Variants in ITGA7 observed in about 807,000 individuals in gnomAD.
ITGA7 encodes the protein integrin subunit alpha 7.
Under a neutral mutation model 131.6 loss-of-function variants are expected in ITGA7, and 84 were observed. The observed-to-expected ratio is 0.64, with a 90% CI of 0.54 to 0.77. The LOEUF is 0.77. Ranked by LOEUF, ITGA7 falls within the 30% of genes least tolerant of loss-of-function variation. The pLI is 0.00. For synonymous variants in ITGA7, 548 were observed against 600.7 expected (o/e 0.91, Z 1.28); for missense variants, 1,399 against 1,482.9 (o/e 0.94, Z 0.93).
rs561326247 is a variant in ITGA7, at chr12:55,691,838, C to T, written c.2844+1006G>A. On this transcript the variant is annotated intron_variant, in intron 21 of 24. Transcript: ENST00000257879. Reference sequence around the variant, plus strand: ...AAGCAGGGACTGCAGCAGCTGCTGACATTCCCCTGCAAAGGGTCTCCTTGG... The same window carrying T: ...AAGCAGGGACTGCAGCAGCTGCTGATATTCCCCTGCAAAGGGTCTCCTTGG... Among the ~76,000 whole-genome samples, 18 of 152,284 alleles carry T rather than the reference C, an allele frequency of 1.2e-4. No individual in the cohort carries two copies. In the South Asian group the frequency reaches 3.7e-3, roughly 32 times the overall value.
At chr12:55,692,311 G>C (rs1383830615) in intron 21 of ITGA7, among the ~76,000 whole-genome samples, 1 of 142,978 alleles carries the variant, frequency 7.0e-6, no homozygotes, top group Non-Finnish European at 1.5e-5. Context: ...CAGCTACTTA[G>C]GAGGCTGAGG....
In ITGA7 at chr12:55,707,580, T is replaced by C; in HGVS notation, c.103A>G (p.Asn35Asp). Residue 35 changes from asparagine to aspartate, a missense_variant, in exon 1 of 25, where the codon AAT (asparagine) becomes GAT (aspartate). By Grantham distance (23) the Asn-to-Asp change is conservative (BLOSUM62 1). Coordinates refer to ENST00000257879, the MANE Select transcript of ITGA7 (RefSeq NM_002206.3). ...CGCAAGGCACCCATCACGTCCAGAT[T>C]GAAGGCGACAGCCCGTGAGAAGAGC... ...ELLFSRAVAF[N>D]LDVMGALRKE... The C allele has an allele frequency of 6.2e-7, 1 of 1,613,552 alleles. No individual in the cohort carries two copies. Among genetic ancestry groups the C allele is most frequent in the Non-Finnish European group, 8.5e-7 (1 of 1,179,802 alleles).
chr12:55,701,972 A>T (rs1012122322), intron 3 of ITGA7, among the ~76,000 whole-genome samples: 1 of 151,834 alleles, frequency 6.6e-6, no homozygotes, highest in Non-Finnish European at 1.5e-5. Flanking sequence ...TTACTGAAAG[A>T]TAGAGAGAGA....
chr12:55,701,214 T>C lies in ITGA7; in HGVS notation c.415-60A>G. On this transcript the variant is annotated intron_variant, in intron 3 of 24. Coordinates refer to ENST00000257879, the MANE Select transcript of ITGA7 (RefSeq NM_002206.3). ...GTGGGCCAGGGACCTGCTTGAGGCA[T>C]GCTGCCCATATGCAGAGATTTGGCA... The C allele has an allele frequency of 3.7e-6, 6 of 1,612,152 alleles. No individual in the cohort carries two copies. In the East Asian group the frequency reaches 1.1e-4, roughly 30 times the overall value.
intron 5 of ITGA7, 85 bp downstream of exon 5, chr12:55,699,785 A>T: frequency 6.7e-7 from 1 of 1,493,664 alleles, no homozygotes; most frequent in Non-Finnish European, 9.1e-7. Context: ...GGAGGAGATT[A>T]TAAGGCACCA....
rs763933608 is a variant in ITGA7, at chr12:55,687,941, AC to A, written c.3183+29del. ...TGCTGCTCACCCAACCAGGAAGTCC[AC>A]CCCCATCAGCCCCACCTCCAAGCCT... is the stretch of plus-strand genomic sequence containing the variant. On this transcript the variant is annotated intron_variant, in intron 24 of 24. Coordinates refer to ENST00000257879, the MANE Select transcript of ITGA7 (RefSeq NM_002206.3). The A allele has an allele frequency of 2.2e-4, 357 of 1,613,432 alleles. 5 individuals are homozygous for A. The Middle Eastern group carries it at 5.8e-3, about 26-fold the overall frequency.
chr12:55,708,520 C>T (rs3759099), upstream of ITGA7, among the ~76,000 whole-genome samples: 814 of 150,994 alleles, frequency 5.4e-3, 18 homozygotes, highest in Admixed American at 0.031. Flanking sequence ...GAGAGAAACT[C>T]GGGAGATACG....
intron 10 of ITGA7, 58 bp from the exon 11 acceptor site, chr12:55,697,335 C>T: frequency 1.3e-6 from 2 of 1,576,526 alleles, no homozygotes; most frequent in Non-Finnish European, 1.7e-6. Context: ...AGGCCCCTAC[C>T]CCCACCCCAT....
In ITGA7 at chr12:55,707,823, C is replaced by CACA; in HGVS notation, c.-142_-141insTGT. Reference sequence around the variant, plus strand: ...CTCCCAGACGTTCGCCCCGCCAGCCCTCCCGCCCGCCCGCCGCTCCGCCAC... The same window carrying CACA: ...CTCCCAGACGTTCGCCCCGCCAGCCCACATCCCGCCCGCCCGCCGCTCCGCCAC... On this transcript the variant is annotated 5_prime_UTR_variant, in exon 1 of 25. It adds an upstream start codon to the 5' untranslated region. Transcript: ENST00000257879. 1 of 1,456,452 alleles carries CACA rather than the reference C, an allele frequency of 6.9e-7. No homozygotes were observed. Among genetic ancestry groups the CACA allele is most frequent in the Non-Finnish European group, 9.1e-7 (1 of 1,098,112 alleles). The allele number at this position is 1,456,452 out of a possible 1,614,324, so 90.2% of individuals were successfully genotyped here.
chr12:55,698,787 G>A lies in ITGA7; in HGVS notation c.921C>T (p.Pro307=), dbSNP rs775577770. ...LRKDSASRLV[P]EVMLSGERLT... ...GGCGCTCCCCAGACAGCATAACCTC[G>A]GGCACCAGGCGACTGGCGCTGTCCT... The change falls in exon 6 of 25, where the codon CCC becomes CCT. Residue 307 remains proline, a synonymous_variant. Transcript: ENST00000257879. 1.9e-5 allele frequency: 31 copies of A among 1,613,960 alleles called. No individual in the cohort carries two copies. Among genetic ancestry groups the A allele is most frequent in the African/African-American group, 8.0e-5 (6 of 74,878 alleles).
At chr12:55,692,616 C>T (rs1871681147) in intron 21 of ITGA7, among the ~76,000 whole-genome samples, 1 of 152,220 alleles carries the variant, frequency 6.6e-6, no homozygotes, top group South Asian at 2.1e-4. Context: ...GCTTGGCTAA[C>T]TAACTGGCTT....
At chr12:55,701,259 TCACATG>T (rs373790389) in intron 3 of ITGA7, 105 bp from the exon 4 acceptor site, 140 of 1,562,552 alleles carry the variant, frequency 9.0e-5, no homozygotes, top group Middle Eastern at 5.0e-4. Context: ...ACATGTGTGC[TCACATG>T]CACATGCACA....
Position 55,684,782 on chromosome 12 carries a change from G to A in ITGA7, c.*276C>T. On this transcript the variant is annotated 3_prime_UTR_variant, in exon 25 of 25. Coordinates refer to ENST00000257879, the MANE Select transcript of ITGA7 (RefSeq NM_002206.3). ...GGTGAATGGGAGAGGAAGGGATTAG[G>A]ATCCCTTCTCCCCACCTTTGCATCA... is the stretch of plus-strand genomic sequence containing the variant. 1 of 474,698 alleles carries A rather than the reference G, an allele frequency of 2.1e-6. No individual in the cohort carries two copies. The highest frequency in any genetic ancestry group is 3.8e-6 in the Non-Finnish European group (1 of 266,536). The allele number at this position is 474,698 out of a possible 1,614,324, so 29.4% of individuals were successfully genotyped here.
At chr12:55,702,200 G>A in intron 3 of ITGA7, among the ~76,000 whole-genome samples, 1 of 134,922 alleles carries the variant, frequency 7.4e-6, no homozygotes, top group African/African-American at 2.7e-5. Flanking sequence ...TTTTTTTTGA[G>A]ACGGAGTCTC....
At chr12:55,712,099 T>C (rs879902284), upstream of ITGA7, 31 of 1,551,420 alleles carry the variant, frequency 2.0e-5, no homozygotes, top group Non-Finnish European at 2.5e-5. Flanking sequence ...TGCCTCTGAA[T>C]TCTGGTTGTA....
At chr12:55,711,689 ATAAAT>A (rs1876132989), upstream of ITGA7, among the ~76,000 whole-genome samples, 4 of 152,362 alleles carry the variant, frequency 2.6e-5, no homozygotes, top group South Asian at 8.3e-4. Context: ...AACTTTTTAA[ATAAAT>A]TAAATGTAAA....
chr12:55,685,275 T>C lies in ITGA7; in HGVS notation c.3197A>G (p.Lys1066Arg). 1 of 1,614,128 alleles carries C rather than the reference T, an allele frequency of 6.2e-7. No individual in the cohort carries two copies. Among genetic ancestry groups the C allele is most frequent in the Non-Finnish European group, 8.5e-7 (1 of 1,180,026 alleles). The change falls in exon 25 of 25, where the codon AAA becomes AGA. Residue 1066 changes from lysine to arginine, a missense_variant. By Grantham distance (26) the Lys-to-Arg change is conservative (BLOSUM62 2). Transcript: ENST00000257879. ...GGTGGCCTCGGGGTGCTTCGCCCGT[T>C]TGAAGAATCCCATCTATAAGGACAC... is the stretch of plus-strand genomic sequence containing the variant. Reference protein sequence around the residue: ...VLLLWKMGFFKRAKHPEATVP... With the variant: ...VLLLWKMGFFRRAKHPEATVP...
At chr12:55,695,052 T>C (rs1215944612) in intron 14 of ITGA7, 82 bp from the exon 15 acceptor site, 26 of 1,371,094 alleles carry the variant, frequency 1.9e-5, no homozygotes, top group Non-Finnish European at 2.5e-5. Flanking sequence ...CCCCAGTACC[T>C]GCCTTCACTC....
chr12:55,710,906 G>C (rs1457361861), upstream of ITGA7, among the ~76,000 whole-genome samples: 1 of 152,150 alleles, frequency 6.6e-6, no homozygotes, highest in African/African-American at 2.4e-5. Context: ...ATAGCACAAG[G>C]GGGTTCCTTT....
Sources: gnomAD v4.1 joint callset for allele counts (sites outside exome capture counted in the v4.1 genomes callset) on GRCh38, gnomAD v4.1.1 for gene constraint, MANE v1.5 for transcripts, NCBI Gene and HGNC (gene_info 2026-07-23, HGNC 2026-07-21) for gene names.